Variants in RUBCN observed in about 807,000 individuals in gnomAD.
RUBCN encodes run domain Beclin-1-interacting and cysteine-rich domain-containing protein.
Under a neutral mutation model 113.2 loss-of-function variants are expected in RUBCN, and 74 were observed. That is an observed-to-expected ratio of 0.65 (90% CI 0.54 to 0.79). The LOEUF (loss-of-function observed/expected upper bound fraction) is 0.79, where lower values mean the gene tolerates loss of function less well. RUBCN is among the 30% of genes least tolerant of loss of function. RUBCN has a pLI of 0.00. For missense variants in RUBCN, 1,109 were observed against 1,251.7 expected (o/e 0.89, Z 1.72); for synonymous variants, 480 against 490.0 (o/e 0.98, Z 0.27).
intron 2 of RUBCN, among the ~76,000 whole-genome samples, chr3:197,713,114 C>T (rs1458042039): frequency 6.6e-6 from 1 of 152,214 alleles, no homozygotes; most frequent in Non-Finnish European, 1.5e-5. Flanking sequence ...CCGCCTCAGT[C>T]TCCCAAAGCG....
chr3:197,669,661 TA>T lies in RUBCN; in HGVS notation c.*5356del, dbSNP rs1487265583. Reference sequence around the variant, plus strand: ...TTTCCTCTTTCTATATCCTTTTATTTAAAAAAGTGAATCACTAATTCCAGTC... The same window carrying T: ...TTTCCTCTTTCTATATCCTTTTATTTAAAAAGTGAATCACTAATTCCAGTC... On this transcript the variant is annotated 3_prime_UTR_variant, in exon 20 of 20. Transcript: ENST00000296343. Among the ~76,000 whole-genome samples the T allele has an allele frequency of 2.6e-5, 4 of 152,196 alleles. No individual in the cohort carries two copies. The highest frequency in any genetic ancestry group is 5.9e-5 in the Non-Finnish European group (4 of 68,040).
intron 1 of RUBCN, among the ~76,000 whole-genome samples, chr3:197,731,369 A>G (rs533273322): frequency 4.6e-5 from 7 of 152,304 alleles, no homozygotes; most frequent in Admixed American, 1.3e-4. Context: ...TACAGAACAA[A>G]ATGAAAAGTC....
In RUBCN at chr3:197,705,159, G is replaced by A. The variant is rs754044183; in HGVS notation, c.236C>T (p.Thr79Met). The change falls in exon 3 of 20, where the codon ACG becomes ATG. Residue 79 changes from threonine to methionine, a missense_variant. Thr to Met is a moderately conservative substitution (Grantham distance 81). Transcript: ENST00000296343. ...LIRDQACRRQ[T>M]DYWQFVKDIR... ...GTCTTTCACGAACTGCCAGTAATCC[G>A]TCTGGCGGCGGCACGCCTGCAAAGG... 3.2e-5 allele frequency: 51 copies of A among 1,613,940 alleles called. No individual in the cohort carries two copies. In the Admixed American group the frequency reaches 4.2e-4, roughly 13 times the overall value.
At chr3:197,696,839 T>G (rs1300708620) in intron 8 of RUBCN, 115 bp downstream of exon 8, 1 of 699,448 alleles carries the variant, frequency 1.4e-6, no homozygotes, top group Non-Finnish European at 2.6e-6. Flanking sequence ...ACTGAGACTG[T>G]AACAGTGTGT....
At chr3:197,707,855 T>G (rs982293978) in intron 2 of RUBCN, among the ~76,000 whole-genome samples, 1 of 151,948 alleles carries the variant, frequency 6.6e-6, no homozygotes, top group South Asian at 2.1e-4. Context: ...TCCCAGCTAC[T>G]CGGGAGGCTG....
chr3:197,676,389 C>T (rs1720425250), intron 18 of RUBCN: 2 of 896,826 alleles, frequency 2.2e-6, no homozygotes, highest in African/African-American at 1.8e-5. Context: ...TCTCGGCTCA[C>T]TGCAACCTCC....
At chr3:197,740,805 G>C (rs772002493), upstream of RUBCN, among the ~76,000 whole-genome samples, 2 of 152,112 alleles carry the variant, frequency 1.3e-5, no homozygotes, top group South Asian at 2.1e-4. Context: ...ATTTTTAGTA[G>C]AGACGGGGTT....
intron 16 of RUBCN, among the ~76,000 whole-genome samples, chr3:197,678,656 G>A (rs1720781804): frequency 6.7e-6 from 1 of 149,492 alleles, no homozygotes; most frequent in Non-Finnish European, 1.5e-5. Flanking sequence ...ACTGACAACT[G>A]GCTTCAGATT....
At chr3:197,700,508 A>G (rs1723521811) in intron 7 of RUBCN, 105 bp downstream of exon 7, 9 of 1,096,746 alleles carry the variant, frequency 8.2e-6, no homozygotes, top group Admixed American at 1.8e-5. Context: ...GTATCACCAG[A>G]AACAGAACAT....
At chr3:197,695,648 T>A (rs764259218) in intron 9 of RUBCN, among the ~76,000 whole-genome samples, 3 of 152,132 alleles carry the variant, frequency 2.0e-5, no homozygotes, top group African/African-American at 7.2e-5. Context: ...TCTGCCCAGG[T>A]TGGCTTCTAA....
intron 10 of RUBCN, 85 bp from the exon 11 acceptor site, chr3:197,693,901 T>C: frequency 2.2e-6 from 2 of 890,812 alleles, no homozygotes; most frequent in Non-Finnish European, 3.8e-6. Flanking sequence ...AGGGATCTGA[T>C]ATGACCTCAA....
exon 1 of RUBCN, chr3:197,749,418 C>A: frequency 2.5e-6 from 3 of 1,219,862 alleles, no homozygotes; most frequent in Non-Finnish European, 2.1e-6. Flanking sequence ...GCAGCGTTTG[C>A]TTTGCGTTCA....
In RUBCN at chr3:197,695,912, C is replaced by T. The variant is rs1413377852; in HGVS notation, c.1427G>A (p.Ser476Asn). The change falls in exon 9 of 20, where the codon AGC (serine) becomes AAC (asparagine). Residue 476 changes from serine (S) to asparagine (N), a missense_variant. By Grantham distance (46) the Ser-to-Asn change is conservative (BLOSUM62 1). Transcript: ENST00000296343. ...GCCGAAGTCTTGCTCAGAGAGGTAG[C>T]TGATGAGGGACTGTCCTTCTGATGG... is the stretch of plus-strand genomic sequence containing the variant. ...RRPSEGQSLI[S>N]YLSEQDFGSC... 8 of 1,614,064 alleles carry T rather than the reference C, an allele frequency of 5.0e-6. No homozygotes were observed. The East Asian group carries it at 1.8e-4, about 36-fold the overall frequency.
chr3:197,703,421 AAAAAAAAAAAAT>A, intron 5 of RUBCN, 115 bp downstream of exon 5: 1 of 424,768 alleles, frequency 2.4e-6, no homozygotes, highest in South Asian at 2.3e-5. Context: ...AAAAAAAAAA[AAAAAAAAAAAAT>A]GCAAGCCTTT....
At chr3:197,713,123 C>T (rs892174413) in intron 2 of RUBCN, among the ~76,000 whole-genome samples, 7 of 152,200 alleles carry the variant, frequency 4.6e-5, no homozygotes, top group East Asian at 1.9e-4. Context: ...TCTCCCAAAG[C>T]GCTGGGATTA....
intron 7 of RUBCN, among the ~76,000 whole-genome samples, chr3:197,698,194 C>A (rs982467479): frequency 6.6e-6 from 1 of 152,222 alleles, no homozygotes; most frequent in Non-Finnish European, 1.5e-5. Context: ...CCCTTACACT[C>A]GTTATCTGCC....
intron 1 of RUBCN, among the ~76,000 whole-genome samples, chr3:197,747,044 T>C (rs1284556874): frequency 1.3e-5 from 2 of 152,180 alleles, no homozygotes; most frequent in Non-Finnish European, 2.9e-5. Context: ...CTTTTAACCC[T>C]GGCCCTTGTG....
chr3:197,745,483 C>T (rs548849393), intron 1 of RUBCN, among the ~76,000 whole-genome samples: 105 of 151,170 alleles, frequency 6.9e-4, no homozygotes, highest in Admixed American at 2.5e-3. Flanking sequence ...AGCATGGTGG[C>T]GCATGCCTGA....
At chr3:197,694,800 C>G (rs992365339) in intron 9 of RUBCN, among the ~76,000 whole-genome samples, 3 of 152,144 alleles carry the variant, frequency 2.0e-5, no homozygotes, top group African/African-American at 7.2e-5. Flanking sequence ...CCCTTCCTGT[C>G]TCATTTCTAC....
Sources: allele counts gnomAD v4.1 joint callset (sites outside exome capture counted in the v4.1 genomes callset), GRCh38; gene constraint gnomAD v4.1.1; transcripts MANE v1.5; gene names NCBI Gene and HGNC (gene_info 2026-07-23, HGNC 2026-07-21).